The following CLIC6 variants were observed in gnomAD, a reference collection of about 807,000 sequenced individuals.
CLIC6 encodes chloride intracellular channel protein 6.
CLIC6 carries 39 observed loss-of-function variants against 49.2 expected under a neutral mutation model. The observed-to-expected ratio is 0.79, with a 90% CI of 0.61 to 1.04. CLIC6 has a LOEUF of 1.04. Among genes scored for constraint, CLIC6 ranks in the 50% least tolerant of loss-of-function variants. The pLI, the probability that CLIC6 is intolerant of heterozygous loss-of-function variation, is 0.00. For missense variants in CLIC6, 988 were observed against 993.1 expected (o/e 0.99, Z 0.07); for synonymous variants, 446 against 433.4 (o/e 1.03, Z -0.36).
At chr21:34,707,590 G>T (rs1443649014) in intron 2 of CLIC6, among the ~76,000 whole-genome samples, 1 of 152,140 alleles carries the variant, frequency 6.6e-6, no homozygotes, top group East Asian at 1.9e-4. Context: ...AGGAGGAGGA[G>T]TTGGGGGTGC....
At chr21:34,703,136 A>G (rs2055991425) in intron 1 of CLIC6, among the ~76,000 whole-genome samples, 1 of 152,186 alleles carries the variant, frequency 6.6e-6, no homozygotes, top group African/African-American at 2.4e-5. Context: ...TTCCCTGCAC[A>G]CGGATGCATT....
Position 34,716,574 on chromosome 21 carries a change from C to A in CLIC6, c.*92C>A. 9.5e-7 allele frequency: 1 copy of A among 1,055,930 alleles called. No individual in the cohort carries two copies. The highest frequency in any genetic ancestry group is 2.8e-5 in the East Asian group (1 of 35,296). The allele number at this position is 1,055,930 out of a possible 1,614,324, so 65.4% of individuals were successfully genotyped here. ...AACAAATTAGGTTTGGGTTCAATTC[C>A]TTCAATTTTTAAAAAACTGGTCTCT... On this transcript the variant is annotated 3_prime_UTR_variant, in exon 6 of 6. Coordinates refer to ENST00000349499, the MANE Select transcript of CLIC6 (RefSeq NM_053277.3).
chr21:34,711,480 A>G (rs561221111), intron 5 of CLIC6, among the ~76,000 whole-genome samples: 98 of 152,082 alleles, frequency 6.4e-4, no homozygotes, highest in African/African-American at 2.3e-3. Flanking sequence ...TGCAGTGAGC[A>G]CTCACTCCAG....
Position 34,678,258 on chromosome 21 carries a change from C to T in CLIC6, c.1374+7496C>T, listed in dbSNP as rs111603386. ...CATCCTGGCCAACACGGTGCAACCC[C>T]GTCTCTACTAAAAATACAAAAAAAA... On this transcript the variant is annotated intron_variant, in intron 1 of 5. Transcript: ENST00000349499. 2.0e-3 allele frequency among the ~76,000 whole-genome samples: 302 copies of T among 149,094 alleles called. 2 individuals carry two copies. Among genetic ancestry groups the T allele is most frequent in the African/African-American group, 7.0e-3 (284 of 40,446 alleles).
chr21:34,701,044 T>A (rs1357827615), intron 1 of CLIC6, among the ~76,000 whole-genome samples: 2 of 138,668 alleles, frequency 1.4e-5, no homozygotes, highest in Non-Finnish European at 3.1e-5. Context: ...TGTTACTTTT[T>A]AGGAGAAAAA....
chr21:34,670,227 T>G lies in CLIC6; in HGVS notation c.839T>G (p.Met280Arg), dbSNP rs1331405623. Residue 280 changes from methionine to arginine, a missense_variant, in exon 1 of 6, where the codon ATG becomes AGG. By Grantham distance (91) the Met-to-Arg change is moderately conservative. Transcript: ENST00000349499. ...GCCGAAGGCCCGGCGGGGGACAGCA[T>G]GGACGCCGAGGGTCCGGCAGGAAGG... ...VEAEGPAGDSMDAEGPAGRAR... is the reference protein window; with the variant it reads ...VEAEGPAGDSRDAEGPAGRAR... 2.1e-6 allele frequency: 3 copies of G among 1,416,748 alleles called. No individual in the cohort carries two copies. The highest frequency in any genetic ancestry group is 3.0e-5 in the African/African-American group (2 of 65,904). The allele number at this position is 1,416,748 out of a possible 1,614,324, so 87.8% of individuals were successfully genotyped here. A position where few individuals can be genotyped will look rare whatever the true frequency, so the allele number is the denominator to read the frequency against.
chr21:34,689,549 A>AC lies in CLIC6; in HGVS notation c.1375-17731_1375-17730insC, dbSNP rs1989949727. On this transcript the variant is annotated intron_variant, in intron 1 of 5. Transcript: ENST00000349499. ...ATTGCAAGTCCACTTTCTTATATAG[A>AC]AGGTGCTCTAACAAGTGTCTCGTTT... 2.0e-5 allele frequency among the ~76,000 whole-genome samples: 3 copies of AC among 151,656 alleles called. No homozygotes were observed. The South Asian group carries it at 6.2e-4, about 31-fold the overall frequency.
At chr21:34,691,339 CT>C (rs59142393) in intron 1 of CLIC6, among the ~76,000 whole-genome samples, 50,479 of 151,588 alleles carry the variant, frequency 0.33, 8,651 homozygotes, top group African/African-American at 0.38. Flanking sequence ...AAATGCCACA[CT>C]TTTTTTTTGA....
chr21:34,712,958 T>C (rs148262365), intron 5 of CLIC6, among the ~76,000 whole-genome samples: 2 of 152,300 alleles, frequency 1.3e-5, no homozygotes, highest in East Asian at 3.9e-4. Context: ...AGAGCAGTGG[T>C]TGGCGACAAG....
At chr21:34,695,322 C>T (rs1020582795) in intron 1 of CLIC6, among the ~76,000 whole-genome samples, 10 of 152,348 alleles carry the variant, frequency 6.6e-5, no homozygotes, top group South Asian at 2.1e-4. Flanking sequence ...CATTTTCAAG[C>T]GCTCATGTGA....
Position 34,709,447 on chromosome 21 carries a change from A to G in CLIC6, c.1808A>G (p.Glu603Gly). 1 of 1,614,046 alleles carries G rather than the reference A, an allele frequency of 6.2e-7. No homozygotes were observed. Among genetic ancestry groups the G allele is most frequent in the South Asian group, 1.1e-5 (1 of 91,080 alleles). Residue 603 changes from glutamate (E) to glycine (G), a missense_variant, in exon 5 of 6, where the codon GAG becomes GGG. By Grantham distance (98) the Glu-to-Gly change is moderately conservative. Around this residue, in one of 3 missense-constraint regions of CLIC6, gnomAD observed 647 missense variants for 596.9 expected, o/e 1.08. Coordinates refer to ENST00000349499, the MANE Select transcript of CLIC6 (RefSeq NM_053277.3). Reference protein sequence around the residue: ...LPDEIDAYSTEDVTVSGRKFL... With the variant: ...LPDEIDAYSTGDVTVSGRKFL... ...GATGAAATAGATGCCTACAGCACCG[A>G]GGATGTCACTGTTTCTGGAAGGAAG...
rs766761297 is a variant in CLIC6, at chr21:34,706,084, G to A, written c.1375-1196G>A. 6 of 681,210 alleles carry A rather than the reference G, an allele frequency of 8.8e-6. No individual in the cohort carries two copies. The South Asian group carries it at 9.7e-5, about 11-fold the overall frequency. 42.2% of individuals were successfully genotyped at this position (681,210 alleles called of 1,614,324 possible). On this transcript the variant is annotated intron_variant, in intron 1 of 5. Coordinates refer to ENST00000349499, the MANE Select transcript of CLIC6 (RefSeq NM_053277.3). ...TGCTATAAAGAAATACCTGAGAGTG[G>A]GTAATTTATAAAGAAAAGAGGCTGA...
chr21:34,680,504 G>A (rs571713985), intron 1 of CLIC6, among the ~76,000 whole-genome samples: 1 of 152,296 alleles, frequency 6.6e-6, no homozygotes, highest in Admixed American at 6.5e-5. Context: ...CTCTGCAGCA[G>A]GCTTGAATTT....
At chr21:34,711,620 C>T (rs2145821014) in intron 5 of CLIC6, among the ~76,000 whole-genome samples, 1 of 152,236 alleles carries the variant, frequency 6.6e-6, no homozygotes, top group East Asian at 1.9e-4. Context: ...CCTGTGGGCT[C>T]CCGGCCACCC....
chr21:34,713,277 A>G (rs1188301152), intron 5 of CLIC6, among the ~76,000 whole-genome samples: 5 of 152,240 alleles, frequency 3.3e-5, no homozygotes, highest in Admixed American at 6.5e-5. Context: ...TACAGCCTCA[A>G]AGAAATGAAA....
In CLIC6 at chr21:34,699,832, C is replaced by A. The variant is rs147763141; in HGVS notation, c.1375-7448C>A. ...CCTTCCTGCAGAGAGACAGGGGCAC[C>A]CCAGTGGGTCTTCTGTTCCTGTGGT... On this transcript the variant is annotated intron_variant, in intron 1 of 5. Transcript: ENST00000349499. 1.4e-3 allele frequency among the ~76,000 whole-genome samples: 220 copies of A among 152,236 alleles called. 1 individual carries two copies. The highest frequency in any genetic ancestry group is 4.9e-3 in the African/African-American group (204 of 41,532).
At position 34,669,541 on chromosome 21, in the gene CLIC6, G is replaced by T; in HGVS notation, c.153G>T (p.Pro51=). ...PEGSEGAEEA[P]RGAAAVKEAG... ...GGAGCGAGGGCGCAGAGGAGGCGCC[G>T]AGGGGCGCCGCCGCTGTGAAGGAGG... Residue 51 remains proline (P), a synonymous_variant, in exon 1 of 6, where the codon CCG becomes CCT. Coordinates refer to ENST00000349499, the MANE Select transcript of CLIC6 (RefSeq NM_053277.3). The T allele has an allele frequency of 1.6e-6, 2 of 1,244,972 alleles. No individual in the cohort carries two copies. Among genetic ancestry groups the T allele is most frequent in the Non-Finnish European group, 2.0e-6 (2 of 996,410 alleles). 77.1% of individuals were successfully genotyped at this position (1,244,972 alleles called of 1,614,324 possible). A position where few individuals can be genotyped will look rare whatever the true frequency, so the allele number is the denominator to read the frequency against.
In CLIC6 at chr21:34,715,573, T is replaced by A. The variant is rs374234584; in HGVS notation, c.1900-748T>A. ...CAGTAAACTTCTGTTGTTCTAAGCC[T>A]CCCAGCATGTGTTACTTTATTATGG... is the stretch of plus-strand genomic sequence containing the variant. On this transcript the variant is annotated intron_variant, in intron 5 of 5. Transcript: ENST00000349499. Among the ~76,000 whole-genome samples, 55 of 152,264 alleles carry A rather than the reference T, an allele frequency of 3.6e-4. 3 individuals carry two copies. The South Asian group carries it at 0.011, about 32-fold the overall frequency.
At chr21:34,687,243 C>T (rs889186358) in intron 1 of CLIC6, among the ~76,000 whole-genome samples, 3 of 152,122 alleles carry the variant, frequency 2.0e-5, no homozygotes, top group Non-Finnish European at 2.9e-5. Context: ...CATTTGGTGC[C>T]TGCATTTTTT....
Sources: gnomAD v4.1 joint callset for allele counts (sites outside exome capture counted in the v4.1 genomes callset) on GRCh38, gnomAD v4.1.1 for gene constraint, gnomAD v4.1.1 regional missense constraint, MANE v1.5 for transcripts, NCBI Gene and HGNC (gene_info 2026-07-23, HGNC 2026-07-21) for gene names.